The following TTK variants were observed in gnomAD, a reference collection of about 807,000 sequenced individuals.
The protein encoded by TTK is dual specificity protein kinase TTK.
A neutral mutation model predicts 117.3 loss-of-function variants in TTK; 59 were observed. The observed-to-expected ratio is 0.50, with a 90% CI of 0.41 to 0.62. The LOEUF is 0.62. Ranked by LOEUF, TTK falls within the 20% of genes least tolerant of loss-of-function variation. TTK has a pLI of 0.00. For missense variants in TTK, 921 were observed against 989.4 expected, an observed-to-expected ratio of 0.93 and a Z score of 0.93; for synonymous variants, 302 against 325.0, an observed-to-expected ratio of 0.93 and a Z score of 0.76.
chr6:80,015,883 CA>C (rs1767293401), intron 10 of TTK, among the ~76,000 whole-genome samples: 1 of 152,072 alleles, frequency 6.6e-6, no homozygotes, highest in South Asian at 2.1e-4. Flanking sequence ...ATAGCCAGAT[CA>C]AAAAATACAA....
intron 10 of TTK, among the ~76,000 whole-genome samples, chr6:80,016,888 A>G (rs1767321534): frequency 6.6e-6 from 1 of 152,218 alleles, no homozygotes; most frequent in Admixed American, 6.5e-5. Flanking sequence ...AGGAGAGAAC[A>G]GTTCCAATCT....
chr6:80,039,810 G>A lies in TTK; in HGVS notation c.2245G>A (p.Asp749Asn). 6.3e-7 allele frequency: 1 copy of A among 1,587,066 alleles called. No homozygotes were observed. The stretch of plus-strand genomic sequence containing the variant: ...GATTTCTAAATTACATGCCATAATT[G>A]ATCCTAATCATGAAATTGAATTTCC... ...NQISKLHAII[D>N]PNHEIEFPDI... Residue 749 changes from aspartate (D) to asparagine (N), a missense_variant, in exon 19 of 22, where the codon GAT becomes AAT. Physicochemically the swap from Asp to Asn is conservative, Grantham distance 23. Transcript: ENST00000369798.
intron 17 of TTK, 41 bp downstream of exon 17, chr6:80,036,640 CTTTT>C: frequency 6.5e-7 from 1 of 1,546,596 alleles, no homozygotes; most frequent in African/African-American, 1.4e-5. Flanking sequence ...GAGTTCAATT[CTTTT>C]TTTACCTGTG....
chr6:80,013,143 A>G, intron 8 of TTK, 136 bp from the exon 9 acceptor site: 1 of 704,628 alleles, frequency 1.4e-6, no homozygotes. Context: ...TGTCACTCTA[A>G]AAAATGTCTT....
At chr6:80,005,253 G>A (rs1766958240) in intron 1 of TTK, among the ~76,000 whole-genome samples, 1 of 152,152 alleles carries the variant, frequency 6.6e-6, no homozygotes, top group Non-Finnish European at 1.5e-5. Context: ...CCACCATGCA[G>A]ATAAGCAAGT....
At position 80,039,756 on chromosome 6, in the gene TTK, A is replaced by G. The variant is rs760942299; in HGVS notation, c.2191A>G (p.Lys731Glu). 1 of 1,592,276 alleles carries G rather than the reference A, an allele frequency of 6.3e-7. No homozygotes were observed. The highest frequency in any genetic ancestry group is 1.2e-5 in the South Asian group (1 of 86,410). The stretch of plus-strand genomic sequence containing the variant: ...TATTTTGTACTATATGACTTACGGG[A>G]AAACACCATTTCAGCAGATAATTAA... ...GCILYYMTYG[K>E]TPFQQIINQI... Residue 731 changes from lysine (K) to glutamate (E), a missense_variant, in exon 19 of 22, where the codon AAA becomes GAA. Coordinates refer to ENST00000369798, the MANE Select transcript of TTK (RefSeq NM_003318.5).
In TTK at chr6:80,025,870, T is replaced by C. The variant is rs188077486; in HGVS notation, c.1258-508T>C. 6.4e-4 allele frequency among the ~76,000 whole-genome samples: 97 copies of C among 151,912 alleles called. 1 individual carries two copies. The East Asian group carries it at 0.017, about 27-fold the overall frequency. On this transcript the variant is annotated intron_variant, in intron 11 of 21. Coordinates refer to ENST00000369798, the MANE Select transcript of TTK (RefSeq NM_003318.5). Reference sequence around the variant, plus strand: ...GAATCCTATAGGTTCTTTTTTTTTTTTTTTTCCCAACAATGCTTTTGGAAA... The same window carrying C: ...GAATCCTATAGGTTCTTTTTTTTTTCTTTTTCCCAACAATGCTTTTGGAAA...
intron 16 of TTK, among the ~76,000 whole-genome samples, chr6:80,036,134 ACTGT>A (rs1740806589): frequency 6.6e-6 from 1 of 152,020 alleles, no homozygotes; most frequent in African/African-American, 2.4e-5. Context: ...CTGAAGCCAG[ACTGT>A]CTGGCTTCAA....
chr6:80,035,222 C>T, intron 15 of TTK, 44 bp from the exon 16 acceptor site: 3 of 1,550,076 alleles, frequency 1.9e-6, no homozygotes, highest in Non-Finnish European at 2.6e-6. Context: ...TTTAATATAA[C>T]CTAGCCATTT....
chr6:80,031,491 G>T lies in TTK; in HGVS notation c.1546G>T (p.Glu516Ter). 1 of 1,514,540 alleles carries T rather than the reference G, an allele frequency of 6.6e-7. No homozygotes were observed. The highest frequency in any genetic ancestry group is 1.4e-5 in the African/African-American group (1 of 69,922). The allele number at this position is 1,514,540 out of a possible 1,614,324, so 93.8% of individuals were successfully genotyped here. Residue 516 changes from glutamate (E) to a stop codon, truncating the protein, a stop_gained, in exon 14 of 22, where the codon GAA becomes TAA. Transcript: ENST00000369798. LOFTEE classifies it high-confidence loss of function. ...GGTTTTAGCATCTTCTTCAGCAAAT[G>T]AATGCATTTCGGTTAAAGGAAGAAT... ...LQVLASSSAN[E>*]CISVKGRIYS...
In TTK at chr6:80,011,997, T is replaced by A. The variant is rs1669972709; in HGVS notation, c.896+17T>A. The stretch of plus-strand genomic sequence containing the variant: ...TATGAAAAGGTATGTTGAGTTTTAA[T>A]TTTTAAAATTTGTTGTCCGTATGGG... On this transcript the variant is annotated intron_variant, in intron 8 of 21. Transcript: ENST00000369798. 6.3e-7 allele frequency: 1 copy of A among 1,588,562 alleles called. No individual in the cohort carries two copies. The highest frequency in any genetic ancestry group is 1.4e-5 in the African/African-American group (1 of 73,600).
chr6:80,028,829 G>A (rs2127679120), intron 13 of TTK, among the ~76,000 whole-genome samples: 1 of 152,266 alleles, frequency 6.6e-6, no homozygotes, highest in South Asian at 2.1e-4. Context: ...CCTAGAGGCA[G>A]CTTAATACTG....
chr6:80,033,888 T>C (rs886813649), intron 14 of TTK, among the ~76,000 whole-genome samples: 15 of 152,150 alleles, frequency 9.9e-5, no homozygotes, highest in Admixed American at 2.0e-4. Flanking sequence ...TTTATTTGTT[T>C]TTTGGCTATA....
At chr6:80,040,165 T>G in intron 19 of TTK, 31 bp from the exon 20 acceptor site, 2 of 1,495,704 alleles carry the variant, frequency 1.3e-6, no homozygotes, top group Non-Finnish European at 1.8e-6. Flanking sequence ...ACCTGCTTTG[T>G]TTTTCTTTTA....
chr6:80,031,043 TCAAAA>T (rs1243628403), intron 13 of TTK, among the ~76,000 whole-genome samples: 2 of 118,142 alleles, frequency 1.7e-5, no homozygotes, highest in South Asian at 2.7e-4. Flanking sequence ...AGATGCTGTC[TCAAAA>T]AAAAAAAAAA....
rs767420588 is a variant in TTK at position 80,035,355 on chromosome 6, C to G, written c.1862C>G (p.Pro621Arg). 1 of 1,612,374 alleles carries G rather than the reference C, an allele frequency of 6.2e-7. No individual in the cohort carries two copies. Among genetic ancestry groups the G allele is most frequent in the South Asian group, 1.1e-5 (1 of 90,898 alleles). The change falls in exon 16 of 22, where the codon CCA (proline) becomes CGA (arginine). Residue 621 changes from proline (P) to arginine (R), a missense_variant. Pro to Arg is a moderately radical substitution (Grantham distance 103, BLOSUM62 -2). Coordinates refer to ENST00000369798, the MANE Select transcript of TTK (RefSeq NM_003318.5). ...SWLKKKKSIDPWERKSYWKNM... is the reference protein window; with the variant it reads ...SWLKKKKSIDRWERKSYWKNM... Reference sequence around the variant, plus strand: ...CTTAAAAAGAAAAAATCCATTGATCCATGGGAACGCAAGAGTTACTGGAAA... The same window carrying G: ...CTTAAAAAGAAAAAATCCATTGATCGATGGGAACGCAAGAGTTACTGGAAA...
Position 80,035,273 on chromosome 6 carries a change from A to G in TTK, c.1780A>G (p.Thr594Ala), listed in dbSNP as rs1582112625. 6.3e-7 allele frequency: 1 copy of G among 1,589,420 alleles called. No homozygotes were observed. Among genetic ancestry groups the G allele is most frequent in the East Asian group, 2.2e-5 (1 of 44,476 alleles). Residue 594 changes from threonine to alanine, a missense_variant, in exon 16 of 22, where the codon ACG becomes GCG. Physicochemically the swap from Thr to Ala is moderately conservative, Grantham distance 58. Coordinates refer to ENST00000369798, the MANE Select transcript of TTK (RefSeq NM_003318.5). ...TTATTTGTTTAATTGCAGTGAAATC[A>G]CGGACCAGTACATCTACATGGTAAT... The part of the protein sequence containing the change: ...KIIRLYDYEI[T>A]DQYIYMVMEC...
At chr6:80,014,686 T>G in intron 10 of TTK, 100 bp downstream of exon 10, 1 of 1,220,792 alleles carries the variant, frequency 8.2e-7, no homozygotes, top group African/African-American at 1.5e-5. Flanking sequence ...GATGTGAAAC[T>G]GTGTCTATGT....
At chr6:80,028,194 G>A (rs371518266) in intron 13 of TTK, among the ~76,000 whole-genome samples, 183 bp downstream of exon 13, 11 of 152,126 alleles carry the variant, frequency 7.2e-5, no homozygotes, top group African/African-American at 1.4e-4. Context: ...GTTGGTTATT[G>A]AAGAAGCTTA....
Sources: allele counts gnomAD v4.1 joint callset (sites outside exome capture counted in the v4.1 genomes callset), GRCh38; gene constraint gnomAD v4.1.1; transcripts MANE v1.5; gene names NCBI Gene and HGNC (gene_info 2026-07-23, HGNC 2026-07-21).